Variants in SLC7A4 observed in about 807,000 individuals in gnomAD.
The protein encoded by SLC7A4 is cationic amino acid transporter 4.
In SLC7A4, 30 loss-of-function variants were observed where a neutral mutation model predicts 37.8. That is an observed-to-expected ratio of 0.79 (90% CI 0.59 to 1.08). The LOEUF (loss-of-function observed/expected upper bound fraction) is 1.08. SLC7A4 is among the 50% of genes least tolerant of loss of function. The pLI, the probability that SLC7A4 is intolerant of heterozygous loss-of-function variation, is 0.00. For synonymous variants in SLC7A4, 359 were observed against 376.5 expected, an observed-to-expected ratio of 0.95 and a Z score of 0.54; for missense variants, 839 against 843.2, an observed-to-expected ratio of 1.00 and a Z score of 0.06.
Position 21,030,163 on chromosome 22 carries a change from C to T in SLC7A4, c.1171G>A (p.Val391Ile). 2 of 1,613,938 alleles carry T rather than the reference C, an allele frequency of 1.2e-6. No individual in the cohort carries two copies. The highest frequency in any genetic ancestry group is 1.1e-5 in the South Asian group (1 of 91,062). The change falls in exon 3 of 5, where the codon GTT becomes ATT. Residue 391 changes from valine (V) to isoleucine (I), a missense_variant. Val to Ile is a conservative substitution (Grantham distance 29). Transcript: ENST00000382932. ...LALLLDLESL[V>I]QFLSLGTLLA... ...AGTGTGCCAAGGGACAGGAACTGAA[C>T]CAGCGACTCCAGGTCCAGCAGCAGT... is the stretch of plus-strand genomic sequence containing the variant.
Position 21,031,217 on chromosome 22 carries a change from GAGA to G in SLC7A4, c.593_595del (p.Phe198del). The G allele has an allele frequency of 6.2e-7, 1 of 1,613,834 alleles. No individual in the cohort carries two copies. The highest frequency in any genetic ancestry group is 8.5e-7 in the Non-Finnish European group (1 of 1,179,902). ...GAGAATGACAAGCAGGCTGATGGCCGAGAAGGTGTGATTGAGCCAGGAGGACAC... is the reference window on the plus strand; with the variant it reads ...GAGAATGACAAGCAGGCTGATGGCCGAGGTGTGATTGAGCCAGGAGGACAC... On this transcript the variant is annotated inframe_deletion, in exon 2 of 5. Transcript: ENST00000382932.
In SLC7A4 at chr22:21,030,983, G is replaced by A. The variant is rs371263191; in HGVS notation, c.830C>T (p.Ala277Val). 2.5e-6 allele frequency: 4 copies of A among 1,613,956 alleles called. No individual in the cohort carries two copies. In the East Asian group the frequency reaches 8.9e-5, roughly 36 times the overall value. The change falls in exon 2 of 5, where the codon GCC (alanine) becomes GTC (valine). Residue 277 changes from alanine to valine, a missense_variant. Physicochemically the swap from Ala to Val is moderately conservative, Grantham distance 64. Coordinates refer to ENST00000382932, the MANE Select transcript of SLC7A4 (RefSeq NM_004173.3). ...AAGGATGTAGGCACCAGCTGCAATGGCAAGCGAGATGGCGATGGCCAGAGG... is the reference window on the plus strand; with the variant it reads ...AAGGATGTAGGCACCAGCTGCAATGACAAGCGAGATGGCGATGGCCAGAGG... ...SVPLAIAISL[A>V]IAAGAYILVS...
chr22:21,032,288 G>A (rs1928915551), intron 1 of SLC7A4, among the ~76,000 whole-genome samples: 1 of 152,170 alleles, frequency 6.6e-6, no homozygotes, highest in African/African-American at 2.4e-5. Context: ...CAGCCACCTG[G>A]CCACAGACAG....
At chr22:21,030,686 G>A in intron 2 of SLC7A4, 145 bp downstream of exon 2, 1 of 1,026,112 alleles carries the variant, frequency 9.7e-7, no homozygotes, top group Non-Finnish European at 1.4e-6. Context: ...TTTTTGAAGT[G>A]AAGAGTTTCT....
Position 21,031,174 on chromosome 22 carries a change from G to A in SLC7A4, c.639C>T (p.Gly213=). Residue 213 remains glycine (G), a synonymous_variant, in exon 2 of 5, where the codon GGC becomes GGT. Transcript: ENST00000382932. ...LLVILFIVIL[G]FILAQPHNWS... ...AGTTGTGAGGCTGGGCCAGGATGAA[G>A]CCCAGGATGACAATGAAGAGAATGA... The A allele has an allele frequency of 6.2e-7, 1 of 1,613,944 alleles. No homozygotes were observed. Among genetic ancestry groups the A allele is most frequent in the Non-Finnish European group, 8.5e-7 (1 of 1,179,916 alleles).
In SLC7A4 at chr22:21,031,516, C is replaced by A; in HGVS notation, c.297G>T (p.Thr99=). 1 of 1,610,620 alleles carries A rather than the reference C, an allele frequency of 6.2e-7. No individual in the cohort carries two copies. The highest frequency in any genetic ancestry group is 8.5e-7 in the Non-Finnish European group (1 of 1,178,946). ...CGTAGGTGAACAGGTAGGCAGAGCCCGTGCGTGGCACACGTGCCCCAAATT... is the reference window on the plus strand; with the variant it reads ...CGTAGGTGAACAGGTAGGCAGAGCCAGTGCGTGGCACACGTGCCCCAAATT... ...YAEFGARVPR[T]GSAYLFTYVS... is the part of the protein sequence containing the mutation. The change falls in exon 2 of 5, where the codon ACG becomes ACT. Residue 99 remains threonine, a synonymous_variant. Coordinates refer to ENST00000382932, the MANE Select transcript of SLC7A4 (RefSeq NM_004173.3).
At position 21,031,556 on chromosome 22, in the gene SLC7A4, G is replaced by T. The variant is rs781230956; in HGVS notation, c.257C>A (p.Ala86Asp). The T allele has an allele frequency of 3.7e-6, 6 of 1,608,900 alleles. No individual in the cohort carries two copies. The highest frequency in any genetic ancestry group is 3.4e-5 in the Admixed American group (2 of 59,644). The change falls in exon 2 of 5, where the codon GCC (alanine) becomes GAC (aspartate). Residue 86 changes from alanine (A) to aspartate (D), a missense_variant. Physicochemically the swap from Ala to Asp is moderately radical, Grantham distance 126. Transcript: ENST00000382932. ...GVAAVASLLA[A>D]LCYAEFGARV... ...TGCCCCAAATTCTGCATAGCATAGG[G>T]CTGCCAGCAGGGAGGCCACAGCGGC...
rs756065750 is a variant in SLC7A4, at chr22:21,031,693, C to G, written c.120G>C (p.Leu40=). The G allele has an allele frequency of 4.3e-6, 7 of 1,613,626 alleles. No individual in the cohort carries two copies. The highest frequency in any genetic ancestry group is 5.9e-6 in the Non-Finnish European group (7 of 1,179,836). ...ETSLRRCLST[L]DLTLLGVGGM... ...CACCCACGCCCAGAAGAGTCAGGTC[C>G]AGCGTGGACAGGCAGCGCCGCAGTG... The change falls in exon 2 of 5, where the codon CTG becomes CTC. Residue 40 remains leucine (L), a synonymous_variant. Coordinates refer to ENST00000382932, the MANE Select transcript of SLC7A4 (RefSeq NM_004173.3).
chr22:21,031,049 G>T lies in SLC7A4; in HGVS notation c.764C>A (p.Ala255Asp). 3 of 1,614,120 alleles carry T rather than the reference G, an allele frequency of 1.9e-6. No homozygotes were observed. The South Asian group carries it at 3.3e-5, about 18-fold the overall frequency. The change falls in exon 2 of 5, where the codon GCC becomes GAC. Residue 255 changes from alanine to aspartate, a missense_variant. Transcript: ENST00000382932. The stretch of plus-strand genomic sequence containing the variant: ...GTTCTGGGCCTCCTCACTGGAGGCG[G>T]CAATGACGTCGAAGCCCACGAAAGC... Reference protein sequence around the residue: ...FYAFVGFDVIAASSEEAQNPR... With the variant: ...FYAFVGFDVIDASSEEAQNPR...
rs754848679 is a variant in SLC7A4, at chr22:21,031,003, C to G, written c.810G>C (p.Leu270=). ...EAQNPRRSVP[L]AIAISLAIAA... is the part of the protein sequence containing the mutation. ...CAATGGCAAGCGAGATGGCGATGGC[C>G]AGAGGCACAGACCGCCGTGGGTTCT... The change falls in exon 2 of 5, where the codon CTG becomes CTC. Residue 270 remains leucine (L), a synonymous_variant. Coordinates refer to ENST00000382932, the MANE Select transcript of SLC7A4 (RefSeq NM_004173.3). 5 of 1,614,086 alleles carry G rather than the reference C, an allele frequency of 3.1e-6. No individual in the cohort carries two copies. Among genetic ancestry groups the G allele is most frequent in the Non-Finnish European group, 4.2e-6 (5 of 1,179,990 alleles).
At position 21,031,762 on chromosome 22, in the gene SLC7A4, C is replaced by T. The variant is rs956588622; in HGVS notation, c.51G>A (p.Lys17=). The change falls in exon 2 of 5, where the codon AAG becomes AAA. Residue 17 remains lysine (K), a synonymous_variant. Coordinates refer to ENST00000382932, the MANE Select transcript of SLC7A4 (RefSeq NM_004173.3). ...TIASLARLCQ[K]LNRLKPLEDS... ...CCTCCAGCGGCTTCAGGCGGTTCAG[C>T]TTCTGGCATAAGCGTGCCAGGCTAG... 5.5e-5 allele frequency: 87 copies of T among 1,569,316 alleles called. No individual in the cohort carries two copies. In the Admixed American group the frequency reaches 1.1e-3, roughly 20 times the overall value.
In SLC7A4 at chr22:21,031,595, A is replaced by G; in HGVS notation, c.218T>C (p.Leu73Ser). 3 of 1,607,606 alleles carry G rather than the reference A, an allele frequency of 1.9e-6. No homozygotes were observed. The highest frequency in any genetic ancestry group is 2.5e-6 in the Non-Finnish European group (3 of 1,177,336). ...GGCCACAGCGGCCACACCGAAGGAC[A>G]AGAGCACAGCAGGGCCAGCCACCTC... ...AKEVAGPAVL[L>S]SFGVAAVASL... The change falls in exon 2 of 5, where the codon TTG becomes TCG. Residue 73 changes from leucine to serine, a missense_variant. Physicochemically the swap from Leu to Ser is moderately radical, Grantham distance 145. Coordinates refer to ENST00000382932, the MANE Select transcript of SLC7A4 (RefSeq NM_004173.3).
rs1267109605 is a variant in SLC7A4, at chr22:21,029,241, C to T, written c.1733-11G>A. On this transcript the variant is annotated splice_polypyrimidine_tract_variant and intron_variant, in intron 4 of 4. Coordinates refer to ENST00000382932, the MANE Select transcript of SLC7A4 (RefSeq NM_004173.3). Reference sequence around the variant, plus strand: ...AATACACTGCAAGTCCTAGACAGGGCAGGAGGCAGGGCATGAGCCTGAGGT... The same window carrying T: ...AATACACTGCAAGTCCTAGACAGGGTAGGAGGCAGGGCATGAGCCTGAGGT... 1.2e-6 allele frequency: 2 copies of T among 1,613,380 alleles called. No individual in the cohort carries two copies. Among genetic ancestry groups the T allele is most frequent in the South Asian group, 1.1e-5 (1 of 91,044 alleles).
In SLC7A4 at chr22:21,030,495, G is replaced by A. The variant is rs1401509459; in HGVS notation, c.983-144C>T. ...AGAGTAAGCATGAGTTTGTGTAGGA[G>A]TAATAGATTGTCAGCGCTTTGCCCA... On this transcript the variant is annotated intron_variant, in intron 2 of 4. Transcript: ENST00000382932. 3.4e-6 allele frequency: 3 copies of A among 891,756 alleles called. No homozygotes were observed. In the African/African-American group the frequency reaches 5.1e-5, roughly 15 times the overall value. The allele number at this position is 891,756 out of a possible 1,614,324, so 55.2% of individuals were successfully genotyped here.
intron 1 of SLC7A4, among the ~76,000 whole-genome samples, chr22:21,032,233 C>T (rs1275161323): frequency 6.6e-6 from 1 of 152,162 alleles, no homozygotes; most frequent in Non-Finnish European, 1.5e-5. Flanking sequence ...GAGCCGGACC[C>T]GGAACAGGAG....
In SLC7A4 at chr22:21,031,059, C is replaced by G; in HGVS notation, c.754G>C (p.Asp252His). 1 of 1,614,088 alleles carries G rather than the reference C, an allele frequency of 6.2e-7. No homozygotes were observed. The highest frequency in any genetic ancestry group is 8.5e-7 in the Non-Finnish European group (1 of 1,180,026). ...TCCTCACTGGAGGCGGCAATGACGT[C>G]GAAGCCCACGAAAGCATAGAAGCAG... ...ASCFYAFVGF[D>H]VIAASSEEAQ... The change falls in exon 2 of 5, where the codon GAC becomes CAC. Residue 252 changes from aspartate to histidine, a missense_variant. Physicochemically the swap from Asp to His is moderately conservative, Grantham distance 81 (BLOSUM62 -1). Transcript: ENST00000382932.
chr22:21,029,551 A>G, intron 3 of SLC7A4, 107 bp from the exon 4 acceptor site: 1 of 1,176,648 alleles, frequency 8.5e-7, no homozygotes, highest in South Asian at 1.3e-5. Flanking sequence ...CTCACGGGAG[A>G]TTGTGGAGAC....
chr22:21,032,497 A>AGTCCCC (rs1166234665), intron 1 of SLC7A4, 34 bp downstream of exon 1: 1 of 152,498 alleles, frequency 6.6e-6, no homozygotes, highest in East Asian at 1.9e-4. Context: ...AGCCCGTCCC[A>AGTCCCC]GTCCCCGTCC....
rs1420227193 is a variant in SLC7A4, at chr22:21,030,295, T to C, written c.1039A>G (p.Met347Val). 6.2e-6 allele frequency: 10 copies of C among 1,613,080 alleles called. No individual in the cohort carries two copies. Among genetic ancestry groups the C allele is most frequent in the East Asian group, 2.2e-5 (1 of 44,808 alleles). The change falls in exon 3 of 5, where the codon ATG becomes GTG. Residue 347 changes from methionine to valine, a missense_variant. Met to Val is a conservative substitution (Grantham distance 21). Transcript: ENST00000382932. ...TGGAAGAAGAGCCCATCGGCGGCCA[T>C]GGCATAGACAATGCGTGGCAGGGAG... is the stretch of plus-strand genomic sequence containing the variant. Reference protein sequence around the residue: ...LFSLPRIVYAMAADGLFFQVF... With the variant: ...LFSLPRIVYAVAADGLFFQVF...
Sources: gnomAD v4.1 joint callset for allele counts (sites outside exome capture counted in the v4.1 genomes callset) on GRCh38, gnomAD v4.1.1 for gene constraint, MANE v1.5 for transcripts, NCBI Gene and HGNC (gene_info 2026-07-23, HGNC 2026-07-21) for gene names.